Variants in CSMD1 observed in about 807,000 individuals in gnomAD.
CSMD1 encodes CUB and Sushi multiple domains 1.
CSMD1 carries 213 observed loss-of-function variants against 417.5 expected under a neutral mutation model. The ratio of observed to expected loss-of-function variants is 0.51; its 90% CI spans 0.46 to 0.57. The LOEUF (loss-of-function observed/expected upper bound fraction) is 0.57, where lower values mean the gene tolerates loss of function less well. Ranked by LOEUF, CSMD1 falls within the 20% of genes least tolerant of loss-of-function variation. CSMD1 has a pLI of 0.00. For missense variants in CSMD1, 6,923 were observed against 4,529.7 expected, an observed-to-expected ratio of 1.53 and a Z score of -15.17; for synonymous variants, 2,862 against 1,736.8, an observed-to-expected ratio of 1.65 and a Z score of -16.11.
intron 37 of CSMD1, among the ~76,000 whole-genome samples, chr8:3,166,418 C>T (rs908530601): frequency 1.3e-5 from 2 of 152,072 alleles, no homozygotes; most frequent in African/African-American, 2.4e-5. Context: ...CCTGTAGTCC[C>T]ACCTACTCGG....
chr8:4,615,107 C>T (rs1302193917), intron 2 of CSMD1, among the ~76,000 whole-genome samples: 1 of 152,196 alleles, frequency 6.6e-6, no homozygotes, highest in Non-Finnish European at 1.5e-5. Flanking sequence ...ACCTCTGTAA[C>T]TGCATGACAC....
At chr8:4,324,064 G>A (rs1799418668) in intron 3 of CSMD1, among the ~76,000 whole-genome samples, 1 of 152,062 alleles carries the variant, frequency 6.6e-6, no homozygotes, top group Admixed American at 6.6e-5. Flanking sequence ...ATTTACCCGA[G>A]GCCAAGCTTA....
intron 7 of CSMD1, among the ~76,000 whole-genome samples, chr8:3,628,746 G>A (rs752964363): frequency 9.9e-5 from 15 of 152,202 alleles, no homozygotes; most frequent in South Asian, 8.3e-4. Flanking sequence ...AGAGCCATAC[G>A]GAAAAGTGAC....
intron 5 of CSMD1, among the ~76,000 whole-genome samples, chr8:3,876,183 T>C (rs1010468772): frequency 6.6e-6 from 1 of 152,178 alleles, no homozygotes; most frequent in Non-Finnish European, 1.5e-5. Context: ...AGGAAACTCA[T>C]GTTTGAAAGG....
intron 7 of CSMD1, among the ~76,000 whole-genome samples, chr8:3,660,798 G>A (rs375965618): frequency 2.6e-5 from 4 of 152,274 alleles, no homozygotes; most frequent in African/African-American, 9.6e-5. Context: ...TGGAATCACA[G>A]GCGTGAGCCA....
At chr8:4,876,580 T>C (rs1803055332) in intron 1 of CSMD1, among the ~76,000 whole-genome samples, 1 of 152,148 alleles carries the variant, frequency 6.6e-6, no homozygotes. Context: ...GGATGCTTAT[T>C]CATAATATAG....
At chr8:3,898,050 A>G (rs938289548) in intron 5 of CSMD1, among the ~76,000 whole-genome samples, 1 of 152,170 alleles carries the variant, frequency 6.6e-6, no homozygotes, top group Non-Finnish European at 1.5e-5. Flanking sequence ...CACCTAAATT[A>G]TGTACTTACA....
At chr8:3,501,927 G>A (rs192567400) in intron 10 of CSMD1, among the ~76,000 whole-genome samples, 11 of 152,210 alleles carry the variant, frequency 7.2e-5, no homozygotes, top group East Asian at 3.9e-4. Context: ...ATAAATATAC[G>A]TTTAAATTTC....
intron 5 of CSMD1, among the ~76,000 whole-genome samples, chr8:3,981,794 G>T (rs1006778295): frequency 3.3e-5 from 5 of 152,200 alleles, no homozygotes; most frequent in Non-Finnish European, 7.3e-5. Flanking sequence ...GTCAAGAGAA[G>T]AGGCAGTTAG....
intron 3 of CSMD1, among the ~76,000 whole-genome samples, chr8:4,077,750 T>G (rs1252425638): frequency 6.6e-6 from 1 of 152,244 alleles, no homozygotes; most frequent in Non-Finnish European, 1.5e-5. Flanking sequence ...CTTGTCCCAA[T>G]GCTATTGCCC....
intron 10 of CSMD1, among the ~76,000 whole-genome samples, chr8:3,500,167 G>A (rs1480277885): frequency 6.6e-6 from 1 of 152,142 alleles, no homozygotes; most frequent in African/African-American, 2.4e-5. Flanking sequence ...GAGTTTCCAT[G>A]CCTTAGAGGG....
chr8:3,610,067 G>T (rs376465465), intron 8 of CSMD1, among the ~76,000 whole-genome samples: 2 of 151,774 alleles, frequency 1.3e-5, no homozygotes, highest in African/African-American at 4.8e-5. Flanking sequence ...ACAGCACCCA[G>T]CCTTCCCTCC....
rs142847776 is a variant in CSMD1, at chr8:3,707,500, C to T, written c.1009+914G>A. On this transcript the variant is annotated intron_variant, in intron 7 of 69. Coordinates refer to ENST00000635120, the MANE Select transcript of CSMD1 (RefSeq NM_033225.6). ...AATGGGTAGAAAGTCCTAGAAGAAG[C>T]GTGAGCAGAAAACGGCCCCTACAGG... is the stretch of plus-strand genomic sequence containing the variant. Among the ~76,000 whole-genome samples the T allele has an allele frequency of 5.0e-4, 76 of 152,282 alleles. No homozygotes were observed. The East Asian group carries it at 6.2e-3, about 12-fold the overall frequency.
In CSMD1 at chr8:3,188,841, G is replaced by T. The variant is rs191097766; in HGVS notation, c.5523+46C>A. The T allele has an allele frequency of 4.0e-4, 575 of 1,430,122 alleles. 2 individuals carry two copies. In the African/African-American group the frequency reaches 7.0e-3, roughly 18 times the overall value. 88.6% of individuals were successfully genotyped at this position (1,430,122 alleles called of 1,614,324 possible). ...AAAGAATGAAAGAAAGAAGCCCATG[G>T]ACCCCAGCTGAGCCCTGTTGTAGAC... On this transcript the variant is annotated intron_variant, in intron 35 of 69. Transcript: ENST00000635120.
At chr8:3,313,176 A>G (rs1215885926) in intron 23 of CSMD1, among the ~76,000 whole-genome samples, 2 of 152,200 alleles carry the variant, frequency 1.3e-5, no homozygotes, top group African/African-American at 4.8e-5. Context: ...CTAGAAGAAA[A>G]CCTAGGCAAT....
chr8:4,275,211 C>T (rs1026309883), intron 3 of CSMD1, among the ~76,000 whole-genome samples: 1 of 151,992 alleles, frequency 6.6e-6, no homozygotes, highest in East Asian at 1.9e-4. Flanking sequence ...AAATTATTGT[C>T]TAGTTTGTTT....
chr8:4,249,681 C>T (rs769275229), intron 3 of CSMD1, among the ~76,000 whole-genome samples: 1 of 152,130 alleles, frequency 6.6e-6, no homozygotes, highest in African/African-American at 2.4e-5. Flanking sequence ...CTTCTCCTAC[C>T]GCTGTTGTAG....
chr8:3,206,807 T>A (rs1797319959), intron 30 of CSMD1, among the ~76,000 whole-genome samples: 5 of 152,146 alleles, frequency 3.3e-5, no homozygotes, highest in Admixed American at 1.3e-4. Flanking sequence ...ACACAGATGT[T>A]CAATGCACTT....
At chr8:4,221,730 T>TA (rs1563296135) in intron 3 of CSMD1, among the ~76,000 whole-genome samples, 2 of 152,174 alleles carry the variant, frequency 1.3e-5, no homozygotes, top group African/African-American at 4.8e-5. Context: ...GATGCTCAAT[T>TA]AGACTATGGG....
Sources: allele counts gnomAD v4.1 joint callset (sites outside exome capture counted in the v4.1 genomes callset), GRCh38; gene constraint gnomAD v4.1.1; transcripts MANE v1.5; gene names NCBI Gene and HGNC (gene_info 2026-07-23, HGNC 2026-07-21).